ATRNL1: variants seen among roughly 807,000 people sequenced by gnomAD.
ATRNL1 encodes attractin-like protein 1.
A neutral mutation model predicts 182.7 loss-of-function variants in ATRNL1; 95 were observed. That is an observed-to-expected ratio of 0.52 (90% CI 0.44 to 0.62). ATRNL1 has a LOEUF of 0.62. Ranked by LOEUF, ATRNL1 falls within the 20% of genes least tolerant of loss-of-function variation. The pLI is 0.00. For synonymous variants in ATRNL1, 576 were observed against 568.3 expected (o/e 1.01, Z -0.19); for missense variants, 1,471 against 1,679.5 (o/e 0.88, Z 2.17).
chr10:115,849,090 A>G (rs184569082), intron 28 of ATRNL1, among the ~76,000 whole-genome samples: 8 of 152,304 alleles, frequency 5.3e-5, no homozygotes. Flanking sequence ...TTTCCCATAT[A>G]TGGGAGCAGA....
intron 5 of ATRNL1, among the ~76,000 whole-genome samples, chr10:115,142,634 A>G (rs1182194242): frequency 6.6e-6 from 1 of 152,198 alleles, no homozygotes; most frequent in Non-Finnish European, 1.5e-5. Flanking sequence ...TATGTGGCTT[A>G]GTTTTATAAA....
chr10:115,618,478 A>G (rs1362969631), intron 26 of ATRNL1, among the ~76,000 whole-genome samples: 1 of 152,062 alleles, frequency 6.6e-6, no homozygotes, highest in Admixed American at 6.5e-5. Context: ...TATTTGCATA[A>G]TGGTATTTCA....
At chr10:115,314,069 G>C (rs1854171423) in intron 17 of ATRNL1, among the ~76,000 whole-genome samples, 1 of 152,134 alleles carries the variant, frequency 6.6e-6, no homozygotes, top group African/African-American at 2.4e-5. Context: ...GTGTCATTTA[G>C]CGCTGTGTAC....
intron 28 of ATRNL1, among the ~76,000 whole-genome samples, chr10:115,873,675 G>A (rs1555106604): frequency 6.6e-6 from 1 of 152,116 alleles, no homozygotes; most frequent in Non-Finnish European, 1.5e-5. Flanking sequence ...TTTTGTCTGT[G>A]ATTTACTGTA....
At chr10:115,137,707 C>T (rs10885659) in intron 5 of ATRNL1, among the ~76,000 whole-genome samples, 32,697 of 152,108 alleles carry the variant, frequency 0.21, 4,396 homozygotes, top group Non-Finnish European at 0.3. Context: ...TACTGGGTCC[C>T]GCCCAAAACA....
At chr10:115,454,059 A>G (rs1050966965) in intron 21 of ATRNL1, among the ~76,000 whole-genome samples, 8 of 152,116 alleles carry the variant, frequency 5.3e-5, no homozygotes, top group African/African-American at 1.7e-4. Flanking sequence ...GTAAGTCTTT[A>G]ATCCACTTTG....
chr10:115,637,535 G>A (rs1464703981), intron 26 of ATRNL1, among the ~76,000 whole-genome samples: 3 of 150,504 alleles, frequency 2.0e-5, no homozygotes, highest in Non-Finnish European at 4.4e-5. Flanking sequence ...ATGGAAGTCA[G>A]AAAATTAAAA....
intron 10 of ATRNL1, among the ~76,000 whole-genome samples, chr10:115,260,192 T>C (rs2133867702): frequency 6.6e-6 from 1 of 152,336 alleles, no homozygotes; most frequent in South Asian, 2.1e-4. Flanking sequence ...ACTTGTGTAC[T>C]TTAAAAACAA....
At chr10:115,873,740 A>C (rs1215160714) in intron 28 of ATRNL1, among the ~76,000 whole-genome samples, 1 of 152,228 alleles carries the variant, frequency 6.6e-6, no homozygotes, top group African/African-American at 2.4e-5. Context: ...GCAGAGGGAA[A>C]TATATTGGCC....
At chr10:115,777,080 TGATA>T (rs1555078138) in intron 27 of ATRNL1, among the ~76,000 whole-genome samples, 1 of 152,204 alleles carries the variant, frequency 6.6e-6, no homozygotes, top group Non-Finnish European at 1.5e-5. Context: ...AGGAACAAAC[TGATA>T]GATCTGTGAT....
At chr10:115,838,630 A>G (rs1218326799) in intron 27 of ATRNL1, among the ~76,000 whole-genome samples, 1 of 152,196 alleles carries the variant, frequency 6.6e-6, no homozygotes, top group Non-Finnish European at 1.5e-5. Flanking sequence ...GCTGTAACAT[A>G]CTTACTCATT....
At chr10:115,673,655 CA>C (rs1440736096) in intron 26 of ATRNL1, among the ~76,000 whole-genome samples, 2 of 152,102 alleles carry the variant, frequency 1.3e-5, no homozygotes, top group Non-Finnish European at 2.9e-5. Flanking sequence ...CCAACTTCAA[CA>C]TCTGTGACAG....
chr10:115,775,889 C>T (rs967672071), intron 27 of ATRNL1, among the ~76,000 whole-genome samples: 10 of 141,666 alleles, frequency 7.1e-5, no homozygotes, highest in South Asian at 2.3e-4. Flanking sequence ...ACCCGGGAGG[C>T]GGAGGTTGCA....
chr10:115,938,377 T>C (rs1953626437), intron 28 of ATRNL1, among the ~76,000 whole-genome samples: 1 of 152,248 alleles, frequency 6.6e-6, no homozygotes, highest in Admixed American at 6.5e-5. Context: ...CATTTAATTA[T>C]TTAGCTGTTA....
At chr10:115,792,324 T>C (rs574284009) in intron 27 of ATRNL1, among the ~76,000 whole-genome samples, 2 of 152,212 alleles carry the variant, frequency 1.3e-5, no homozygotes, top group South Asian at 4.1e-4. Flanking sequence ...ACTCATTTTC[T>C]TTTTATGTTG....
intron 8 of ATRNL1, among the ~76,000 whole-genome samples, chr10:115,207,707 A>C (rs1771708078): frequency 6.6e-6 from 1 of 151,880 alleles, no homozygotes; most frequent in Non-Finnish European, 1.5e-5. Context: ...TAAAAATGTG[A>C]CTCCACTGTC....
chr10:115,912,516 CTG>C (rs1208555104), intron 28 of ATRNL1, among the ~76,000 whole-genome samples: 2 of 151,730 alleles, frequency 1.3e-5, no homozygotes, highest in South Asian at 2.1e-4. Context: ...GTAAAAGTAA[CTG>C]GAGCTATGTA....
At chr10:115,940,418 G>T (rs1555123937) in intron 28 of ATRNL1, among the ~76,000 whole-genome samples, 1 of 152,190 alleles carries the variant, frequency 6.6e-6, no homozygotes, top group East Asian at 1.9e-4. Context: ...GGCTTCCTGG[G>T]CTGGTTATTG....
intron 24 of ATRNL1, among the ~76,000 whole-genome samples, chr10:115,506,170 G>A (rs1203224490): frequency 1.3e-5 from 2 of 151,932 alleles, no homozygotes; most frequent in Non-Finnish European, 2.9e-5. Flanking sequence ...ATGTGTTGTG[G>A]CAGGGTGTCA....
Sources: allele counts gnomAD v4.1 joint callset (sites outside exome capture counted in the v4.1 genomes callset), GRCh38; gene constraint gnomAD v4.1.1; transcripts MANE v1.5; gene names NCBI Gene and HGNC (gene_info 2026-07-23, HGNC 2026-07-21).